The following DNAJC3 variants were observed in gnomAD, a reference collection of about 807,000 sequenced individuals.
The protein encoded by DNAJC3 is DnaJ heat shock protein family (Hsp40) member C3, also known as dnaJ homolog subfamily C member 3.
Under a neutral mutation model 68.6 loss-of-function variants are expected in DNAJC3, and 38 were observed. That is an observed-to-expected ratio of 0.55 (90% CI 0.43 to 0.73). The LOEUF is 0.73. Among genes scored for constraint, DNAJC3 ranks in the 30% least tolerant of loss-of-function variants. The pLI is 0.00. For synonymous variants in DNAJC3, 203 were observed against 204.0 expected (o/e 1.00, Z 0.04); for missense variants, 526 against 591.9 (o/e 0.89, Z 1.16).
At chr13:95,746,618 T>C (rs1158266589) in intron 4 of DNAJC3, among the ~76,000 whole-genome samples, 2 of 152,204 alleles carry the variant, frequency 1.3e-5, no homozygotes, top group Non-Finnish European at 2.9e-5. Flanking sequence ...TTTTGAAGAT[T>C]TGTGAGTATA....
At chr13:95,729,195 CTCTCTCTT>C (rs1248804612) in intron 4 of DNAJC3, among the ~76,000 whole-genome samples, 2 of 150,410 alleles carry the variant, frequency 1.3e-5, no homozygotes, top group Admixed American at 6.6e-5. Flanking sequence ...CTCTCTCTCT[CTCTCTCTT>C]TCTCTCTCTC....
chr13:95,717,115 A>G (rs1881176475), intron 2 of DNAJC3, among the ~76,000 whole-genome samples: 1 of 152,210 alleles, frequency 6.6e-6, no homozygotes, highest in Admixed American at 6.5e-5. Context: ...CTGAAACCCT[A>G]AATTTAATAG....
At chr13:95,747,602 A>G (rs942843637) in intron 4 of DNAJC3, among the ~76,000 whole-genome samples, 2 of 152,152 alleles carry the variant, frequency 1.3e-5, no homozygotes, top group Non-Finnish European at 2.9e-5. Context: ...ATGGCCATTG[A>G]AGGTTTATGT....
intron 9 of DNAJC3, among the ~76,000 whole-genome samples, chr13:95,770,564 C>T (rs9302086): frequency 0.37 from 55,988 of 152,054 alleles, 13,676 homozygotes; most frequent in African/African-American, 0.69. Context: ...AGCATGTTAG[C>T]GTATCAGATT....
At chr13:95,708,314 C>T (rs1046774495) in intron 1 of DNAJC3, among the ~76,000 whole-genome samples, 5 of 152,192 alleles carry the variant, frequency 3.3e-5, no homozygotes, top group African/African-American at 9.7e-5. Flanking sequence ...GGAGAGGCAA[C>T]ATATTGATAA....
intron 9 of DNAJC3, among the ~76,000 whole-genome samples, chr13:95,783,942 A>G (rs1883522909): frequency 6.6e-6 from 1 of 152,160 alleles, no homozygotes; most frequent in African/African-American, 2.4e-5. Flanking sequence ...CCATCCAGGA[A>G]GAGGAGGGAG....
At chr13:95,769,061 C>T (rs1338079003) in intron 9 of DNAJC3, among the ~76,000 whole-genome samples, 1 of 151,534 alleles carries the variant, frequency 6.6e-6, no homozygotes, top group Admixed American at 6.6e-5. Context: ...TATCCCACCT[C>T]TGCATCAGCA....
At chr13:95,714,784 C>T (rs1054438473) in intron 2 of DNAJC3, among the ~76,000 whole-genome samples, 7 of 152,202 alleles carry the variant, frequency 4.6e-5, no homozygotes, top group Non-Finnish European at 7.3e-5. Context: ...TTACCTACTA[C>T]CATTAGAATG....
chr13:95,729,187 CTCTCTCTCTCTCTCTT>C (rs1881623849), intron 4 of DNAJC3, among the ~76,000 whole-genome samples: 1 of 150,384 alleles, frequency 6.6e-6, no homozygotes, highest in African/African-American at 2.5e-5. Context: ...CTCATTCTCT[CTCTCTCTCTCTCTCTT>C]TCTCTCTCTC....
chr13:95,754,213 G>A lies in DNAJC3; in HGVS notation c.394-3431G>A, dbSNP rs149011661. Reference sequence around the variant, plus strand: ...TGAGGGCTTGGCCAGTAAACGATCCGCCCCTAAACTTACTCAGCTGGCAGG... The same window carrying A: ...TGAGGGCTTGGCCAGTAAACGATCCACCCCTAAACTTACTCAGCTGGCAGG... On this transcript the variant is annotated intron_variant, in intron 4 of 11. Transcript: ENST00000602402. Among the ~76,000 whole-genome samples, 34 of 152,228 alleles carry A rather than the reference G, an allele frequency of 2.2e-4. No homozygotes were observed. In the East Asian group the frequency reaches 4.6e-3, roughly 21 times the overall value.
At chr13:95,781,180 G>T (rs766472239) in intron 9 of DNAJC3, among the ~76,000 whole-genome samples, 8 of 152,054 alleles carry the variant, frequency 5.3e-5, no homozygotes, top group African/African-American at 1.9e-4. Context: ...CAGGTTTGTT[G>T]TAGAGGTTTG....
intron 4 of DNAJC3, among the ~76,000 whole-genome samples, chr13:95,749,595 A>G (rs1433362106): frequency 2.0e-5 from 3 of 152,158 alleles, no homozygotes; most frequent in Non-Finnish European, 4.4e-5. Context: ...GAAGATGGGA[A>G]ACAGAATTCC....
At chr13:95,766,787 C>T (rs1209417553) in intron 9 of DNAJC3, among the ~76,000 whole-genome samples, 1 of 151,788 alleles carries the variant, frequency 6.6e-6, no homozygotes, top group Non-Finnish European at 1.5e-5. Flanking sequence ...TTCCGCCTTC[C>T]GGGTCCCGGT....
At chr13:95,740,684 C>T (rs938546426) in intron 4 of DNAJC3, among the ~76,000 whole-genome samples, 2 of 152,126 alleles carry the variant, frequency 1.3e-5, no homozygotes, top group Non-Finnish European at 1.5e-5. Context: ...GCACGGTGCA[C>T]GCACCCACTG....
intron 1 of DNAJC3, among the ~76,000 whole-genome samples, chr13:95,690,834 A>G (rs1880220947): frequency 7.9e-6 from 1 of 127,276 alleles, no homozygotes; most frequent in African/African-American, 3.0e-5. Context: ...CTGGCCGGGC[A>G]GAGGGGCTCC....
intron 1 of DNAJC3, among the ~76,000 whole-genome samples, chr13:95,697,328 G>A (rs1017202050): frequency 1.2e-4 from 19 of 152,136 alleles, no homozygotes; most frequent in African/African-American, 3.1e-4. Flanking sequence ...TTTTTTGTTC[G>A]TTTGTTTTTG....
At chr13:95,714,151 T>C (rs766135735) in intron 2 of DNAJC3, among the ~76,000 whole-genome samples, 5 of 152,244 alleles carry the variant, frequency 3.3e-5, no homozygotes, top group Non-Finnish European at 7.3e-5. Context: ...GGTCCAGTTA[T>C]GTAAGAAAAT....
chr13:95,766,103 A>G (rs1385894997), intron 9 of DNAJC3, among the ~76,000 whole-genome samples: 2 of 152,216 alleles, frequency 1.3e-5, no homozygotes, highest in Non-Finnish European at 2.9e-5. Flanking sequence ...GTATGTCTTC[A>G]GTTGAAATCT....
At chr13:95,683,315 C>T (rs545230228) in intron 1 of DNAJC3, among the ~76,000 whole-genome samples, 1 of 152,120 alleles carries the variant, frequency 6.6e-6, no homozygotes, top group East Asian at 1.9e-4. Flanking sequence ...GTGCCCCACC[C>T]AAATCTCATG....
Sources: gnomAD v4.1 joint callset for allele counts (sites outside exome capture counted in the v4.1 genomes callset) on GRCh38, gnomAD v4.1.1 for gene constraint, MANE v1.5 for transcripts, NCBI Gene and HGNC (gene_info 2026-07-23, HGNC 2026-07-21) for gene names.